GLG1: variants seen among roughly 807,000 people sequenced by gnomAD.
The protein encoded by GLG1 is Golgi apparatus protein 1.
In GLG1, 38 loss-of-function variants were observed where a neutral mutation model predicts 160.5. That is an observed-to-expected ratio of 0.24 (90% CI 0.18 to 0.31). The LOEUF is 0.31. Among genes scored for constraint, GLG1 ranks in the 10% least tolerant of loss-of-function variants. GLG1 has a pLI of 1.00. For missense variants in GLG1, 1,373 were observed against 1,505.2 expected (o/e 0.91, Z 1.45); for synonymous variants, 644 against 543.4 (o/e 1.19, Z -2.57).
intron 2 of GLG1, among the ~76,000 whole-genome samples, chr16:74,512,615 G>A (rs1049273280): frequency 2.0e-5 from 3 of 151,200 alleles, no homozygotes; most frequent in African/African-American, 7.3e-5. Context: ...CATCCCAAAC[G>A]TGTAATGAGT....
At chr16:74,592,509 G>A (rs778241773) in intron 1 of GLG1, among the ~76,000 whole-genome samples, 10 of 152,248 alleles carry the variant, frequency 6.6e-5, no homozygotes, top group Admixed American at 1.3e-4. Context: ...AGGGTGTGAA[G>A]CATTCCAGTT....
intron 4 of GLG1, among the ~76,000 whole-genome samples, chr16:74,501,495 T>C (rs1482680181): frequency 6.6e-6 from 1 of 152,220 alleles, no homozygotes; most frequent in Non-Finnish European, 1.5e-5. Context: ...CAGTACTATT[T>C]TCTGCAATCG....
At chr16:74,566,402 T>C (rs1248284146) in intron 1 of GLG1, among the ~76,000 whole-genome samples, 1 of 152,252 alleles carries the variant, frequency 6.6e-6, no homozygotes, top group African/African-American at 2.4e-5. Context: ...CACGGCTTCA[T>C]CGTTCCCACA....
In GLG1 at chr16:74,606,551, G is replaced by C. The variant is rs1474087851; in HGVS notation, c.438+106C>G. 5 of 942,286 alleles carry C rather than the reference G, an allele frequency of 5.3e-6. No homozygotes were observed. In the East Asian group the frequency reaches 1.2e-4, roughly 23 times the overall value. 58.4% of individuals were successfully genotyped at this position (942,286 alleles called of 1,614,324 possible). On this transcript the variant is annotated intron_variant, in intron 1 of 25. Coordinates refer to ENST00000422840, the MANE Select transcript of GLG1 (RefSeq NM_001145667.2). Reference sequence around the variant, plus strand: ...AGAGGGAAGGAGCGAGTGCAGCACAGAGGAAGCAAGGAAAGCAGCCGACCG... The same window carrying C: ...AGAGGGAAGGAGCGAGTGCAGCACACAGGAAGCAAGGAAAGCAGCCGACCG...
chr16:74,544,679 T>G (rs897017151), intron 1 of GLG1, among the ~76,000 whole-genome samples: 5 of 152,198 alleles, frequency 3.3e-5, no homozygotes, highest in African/African-American at 1.2e-4. Flanking sequence ...TTTTGTACTT[T>G]ATAGTAGAGA....
chr16:74,596,221 C>G (rs1211947879), intron 1 of GLG1, among the ~76,000 whole-genome samples: 1 of 150,084 alleles, frequency 6.7e-6, no homozygotes, highest in Non-Finnish European at 1.5e-5. Context: ...GACTCTGTCT[C>G]AAAAAAAGAA....
intron 1 of GLG1, among the ~76,000 whole-genome samples, chr16:74,576,687 T>C (rs1156464839): frequency 6.6e-6 from 1 of 152,188 alleles, no homozygotes; most frequent in Non-Finnish European, 1.5e-5. Context: ...TAAAATAAGG[T>C]TGCTGGAGAA....
chr16:74,582,583 G>C (rs1040841031), intron 1 of GLG1, among the ~76,000 whole-genome samples: 1 of 152,032 alleles, frequency 6.6e-6, no homozygotes, highest in Non-Finnish European at 1.5e-5. Flanking sequence ...CACTTTGGGA[G>C]GCCAAGGCAG....
intron 4 of GLG1, among the ~76,000 whole-genome samples, chr16:74,497,438 T>C (rs953337082): frequency 1.4e-5 from 2 of 140,414 alleles, no homozygotes; most frequent in African/African-American, 5.1e-5. Context: ...TGCTTGCTTT[T>C]TTTTTTTTTT....
At chr16:74,566,285 G>C (rs1187273258) in intron 1 of GLG1, among the ~76,000 whole-genome samples, 1 of 152,172 alleles carries the variant, frequency 6.6e-6, no homozygotes, top group African/African-American at 2.4e-5. Flanking sequence ...CCTGGACAGG[G>C]AAAGTATCTA....
At chr16:74,493,280 T>C in intron 6 of GLG1, 140 bp from the exon 7 acceptor site, 1 of 573,758 alleles carries the variant, frequency 1.7e-6, no homozygotes, top group Non-Finnish European at 3.1e-6. Flanking sequence ...TCTTTAAGTT[T>C]GGTTAAAATG....
rs781637989 is a variant in GLG1 at position 74,450,228 on chromosome 16, G to C, written c.*2939C>G. 1 of 152,264 alleles carries C rather than the reference G, an allele frequency of 6.6e-6. No individual in the cohort carries two copies. Among genetic ancestry groups the C allele is most frequent in the Admixed American group, 6.5e-5 (1 of 15,270 alleles). The allele number at this position is 152,264 out of a possible 1,614,324, so 9.4% of individuals were successfully genotyped here. Reference sequence around the variant, plus strand: ...GCTACACATCAGGAGAGTAGACACAGGCCAGAGTCCATCATCCACTCACAT... The same window carrying C: ...GCTACACATCAGGAGAGTAGACACACGCCAGAGTCCATCATCCACTCACAT... On this transcript the variant is annotated 3_prime_UTR_variant, in exon 26 of 26. Transcript: ENST00000422840.
At chr16:74,585,523 G>A (rs776259420) in intron 1 of GLG1, among the ~76,000 whole-genome samples, 1 of 151,274 alleles carries the variant, frequency 6.6e-6, no homozygotes, top group Non-Finnish European at 1.5e-5. Context: ...TGGCTAACAG[G>A]GTGAAACCTC....
At chr16:74,455,764 A>C (rs1379427286) in intron 25 of GLG1, among the ~76,000 whole-genome samples, 1 of 152,254 alleles carries the variant, frequency 6.6e-6, no homozygotes, top group African/African-American at 2.4e-5. Flanking sequence ...ATGGCTCTAA[A>C]AACCAGAGGG....
chr16:74,533,346 A>G (rs1184907591), intron 1 of GLG1, among the ~76,000 whole-genome samples: 5 of 152,076 alleles, frequency 3.3e-5, no homozygotes, highest in Non-Finnish European at 5.9e-5. Flanking sequence ...AAACAAAACA[A>G]AACTTTCAAT....
At chr16:74,585,968 CAGG>C (rs1958040693) in intron 1 of GLG1, among the ~76,000 whole-genome samples, 1 of 148,160 alleles carries the variant, frequency 6.7e-6, no homozygotes, top group Non-Finnish European at 1.5e-5. Context: ...GGGGCCGAAG[CAGG>C]AGAACTGCTT....
chr16:74,583,479 C>T (rs1188418727), intron 1 of GLG1, among the ~76,000 whole-genome samples: 2 of 152,152 alleles, frequency 1.3e-5, no homozygotes, highest in East Asian at 3.9e-4. Context: ...CTCCCGGGTT[C>T]AAGCAATTCT....
At chr16:74,546,248 G>A (rs915825216) in intron 1 of GLG1, among the ~76,000 whole-genome samples, 6 of 152,054 alleles carry the variant, frequency 3.9e-5, no homozygotes, top group Admixed American at 3.9e-4. Flanking sequence ...AGACCATCCT[G>A]AGCAACATGG....
intron 2 of GLG1, among the ~76,000 whole-genome samples, chr16:74,520,892 G>A (rs1051127881): frequency 6.6e-5 from 10 of 152,048 alleles, no homozygotes; most frequent in Non-Finnish European, 1.2e-4. Context: ...AAATTTTACC[G>A]ACAGGCAGCA....
Sources: allele counts gnomAD v4.1 joint callset (sites outside exome capture counted in the v4.1 genomes callset), GRCh38; gene constraint gnomAD v4.1.1; transcripts MANE v1.5; gene names NCBI Gene and HGNC (gene_info 2026-07-23, HGNC 2026-07-21).